NAALADL2: variants seen among roughly 807,000 people sequenced by gnomAD.
NAALADL2 encodes N-acetylated alpha-linked acidic dipeptidase like 2.
NAALADL2 carries 76 observed loss-of-function variants against 87.2 expected under a neutral mutation model. The observed-to-expected ratio is 0.87, with a 90% CI of 0.72 to 1.05. The LOEUF is 1.05. NAALADL2 is among the 50% of genes least tolerant of loss of function. NAALADL2 has a pLI of 0.00. For synonymous variants in NAALADL2, 354 were observed against 331.0 expected, an observed-to-expected ratio of 1.07 and a Z score of -0.75; for missense variants, 1,089 against 945.8, an observed-to-expected ratio of 1.15 and a Z score of -1.99.
chr3:174,846,934 G>C (rs796314294), intron 3 of NAALADL2, among the ~76,000 whole-genome samples: 23 of 152,284 alleles, frequency 1.5e-4, no homozygotes, highest in African/African-American at 5.1e-4. Flanking sequence ...CTCCAGGCAA[G>C]AGATGAAAAT....
chr3:174,491,581 C>A (rs1003055364), intron 1 of NAALADL2, among the ~76,000 whole-genome samples: 1 of 152,018 alleles, frequency 6.6e-6, no homozygotes, highest in African/African-American at 2.4e-5. Flanking sequence ...AGCTAGTTTC[C>A]TCAAGAATTA....
intron 3 of NAALADL2, among the ~76,000 whole-genome samples, chr3:174,819,621 C>A (rs1276896700): frequency 6.6e-6 from 1 of 151,962 alleles, no homozygotes; most frequent in Admixed American, 6.6e-5. Context: ...TTTGATGCAG[C>A]CCATTATATT....
chr3:175,687,400 A>T (rs537259379), intron 11 of NAALADL2, among the ~76,000 whole-genome samples: 22 of 152,298 alleles, frequency 1.4e-4, no homozygotes, highest in African/African-American at 4.8e-4. Flanking sequence ...GCTAATATCC[A>T]CTAAACATGT....
chr3:174,609,543 G>C (rs998710748), intron 2 of NAALADL2, among the ~76,000 whole-genome samples: 4 of 152,000 alleles, frequency 2.6e-5, no homozygotes, highest in African/African-American at 7.2e-5. Flanking sequence ...GAGCCAAATC[G>C]TGAGTGAACT....
At chr3:175,249,099 A>T (rs1748534346) in intron 3 of NAALADL2, among the ~76,000 whole-genome samples, 2 of 151,618 alleles carry the variant, frequency 1.3e-5, no homozygotes, top group Non-Finnish European at 2.9e-5. Context: ...GGAAATAGCT[A>T]CTCTTGTTTA....
At chr3:175,226,180 A>T (rs925758349) in intron 2 of NAALADL2, among the ~76,000 whole-genome samples, 1 of 152,132 alleles carries the variant, frequency 6.6e-6, no homozygotes, top group African/African-American at 2.4e-5. Flanking sequence ...TGATCAGAAG[A>T]GGAGAGACTA....
chr3:174,543,518 A>G (rs937053415), intron 1 of NAALADL2, among the ~76,000 whole-genome samples: 14 of 152,106 alleles, frequency 9.2e-5, no homozygotes, highest in African/African-American at 2.9e-4. Flanking sequence ...AAGATGTTTT[A>G]TAGTCTATGT....
intron 2 of NAALADL2, among the ~76,000 whole-genome samples, chr3:174,592,834 A>C (rs901505373): frequency 1.3e-5 from 2 of 151,490 alleles, no homozygotes; most frequent in Non-Finnish European, 2.9e-5. Flanking sequence ...TTTTTTTTGC[A>C]AGGATAAATT....
intron 3 of NAALADL2, among the ~76,000 whole-genome samples, chr3:174,747,962 C>A (rs892964020): frequency 6.6e-6 from 1 of 152,042 alleles, no homozygotes; most frequent in African/African-American, 2.4e-5. Flanking sequence ...ATATTTACAC[C>A]ATGGAATACT....
intron 9 of NAALADL2, among the ~76,000 whole-genome samples, chr3:175,556,347 C>G (rs765749414): frequency 6.6e-6 from 1 of 152,074 alleles, no homozygotes; most frequent in Admixed American, 6.5e-5. Flanking sequence ...CTATCCATAC[C>G]TCAGTTTCCT....
chr3:174,734,605 C>T (rs2108992389), intron 2 of NAALADL2, among the ~76,000 whole-genome samples: 2 of 152,250 alleles, frequency 1.3e-5, no homozygotes, highest in South Asian at 4.1e-4. Context: ...TTTGGGAAAA[C>T]ACCAACATCC....
rs180703968 is a variant in NAALADL2 at position 175,361,758 on chromosome 3, C to T, written c.1090+37433C>T. ...ATTTGTTTGAGTTCTTTGTAGATTC[C>T]GGATATTAGCCCTTTGTCAGATGGG... On this transcript the variant is annotated intron_variant, in intron 5 of 13. Transcript: ENST00000454872. Among the ~76,000 whole-genome samples the T allele has an allele frequency of 8.5e-3, 1,255 of 147,726 alleles. 84 individuals are homozygous for T. Among genetic ancestry groups the T allele is most frequent in the African/African-American group, 0.028 (1,140 of 40,764 alleles).
intron 1 of NAALADL2, among the ~76,000 whole-genome samples, chr3:174,913,740 G>C (rs1053300328): frequency 1.3e-5 from 2 of 152,120 alleles, no homozygotes; most frequent in Admixed American, 1.3e-4. Context: ...TATCCTTTCT[G>C]TTCTTTCTCT....
At chr3:175,448,788 C>T (rs1024640974) in intron 6 of NAALADL2, among the ~76,000 whole-genome samples, 1 of 152,174 alleles carries the variant, frequency 6.6e-6, no homozygotes, top group Admixed American at 6.5e-5. Flanking sequence ...TAGCTCACTG[C>T]AGCCTCAAAC....
intron 5 of NAALADL2, among the ~76,000 whole-genome samples, chr3:175,413,950 T>TG (rs1408755749): frequency 2.0e-5 from 3 of 152,202 alleles, no homozygotes; most frequent in Non-Finnish European, 4.4e-5. Flanking sequence ...GCTTGAGAGT[T>TG]GGGGCCTTTG....
chr3:175,096,450 A>G (rs1301791681), intron 1 of NAALADL2, among the ~76,000 whole-genome samples: 1 of 151,564 alleles, frequency 6.6e-6, no homozygotes, highest in Non-Finnish European at 1.5e-5. Flanking sequence ...GTAATTGTAC[A>G]TTCATGACTG....
At chr3:175,522,249 GTAAT>G (rs1732753608) in intron 9 of NAALADL2, among the ~76,000 whole-genome samples, 1 of 152,058 alleles carries the variant, frequency 6.6e-6, no homozygotes, top group African/African-American at 2.4e-5. Context: ...TCACTATAAT[GTAAT>G]TTCATTAGTT....
rs536417385 is a variant in NAALADL2, at chr3:174,786,010, A to G, written c.-9+48264A>G. 9.2e-5 allele frequency among the ~76,000 whole-genome samples: 14 copies of G among 152,310 alleles called. 1 individual carries two copies. In the South Asian group the frequency reaches 2.9e-3, roughly 32 times the overall value. On this transcript the variant is annotated intron_variant, in intron 3 of 3. Coordinates refer to the NAALADL2 transcript ENST00000434257. ...TGTGTAAAGGCACAGGAATTACATG[A>G]TTAGCTGTGGCATCTTTATACCAAC...
intron 2 of NAALADL2, among the ~76,000 whole-genome samples, chr3:174,625,350 G>A (rs1044361229): frequency 2.0e-4 from 31 of 151,926 alleles, no homozygotes; most frequent in Middle Eastern, 3.4e-3. Context: ...AAGCCACCAC[G>A]CCTGGCCTAT....
Sources: allele counts gnomAD v4.1 joint callset (sites outside exome capture counted in the v4.1 genomes callset), GRCh38; gene constraint gnomAD v4.1.1; transcripts MANE v1.5; gene names NCBI Gene and HGNC (gene_info 2026-07-23, HGNC 2026-07-21).